Variants in ZSCAN5A observed in about 807,000 individuals in gnomAD.
ZSCAN5A encodes the protein zinc finger and SCAN domain containing 5A, also known as zinc finger and SCAN domain-containing protein 5A.
In ZSCAN5A, 12 loss-of-function variants were observed where a neutral mutation model predicts 23.7. The ratio of observed to expected loss-of-function variants is 0.51; its 90% CI spans 0.32 to 0.82. The LOEUF (loss-of-function observed/expected upper bound fraction) is 0.82. Ranked by LOEUF, ZSCAN5A falls within the 40% of genes least tolerant of loss-of-function variation. ZSCAN5A has a pLI of 0.03. For synonymous variants in ZSCAN5A, 257 were observed against 239.9 expected (o/e 1.07, Z -0.66); for missense variants, 597 against 617.9 (o/e 0.97, Z 0.36).
rs144091623 is a variant in ZSCAN5A, at chr19:56,255,325, C to T, written c.-127-30152G>A. 3.6e-3 allele frequency among the ~76,000 whole-genome samples: 548 copies of T among 152,200 alleles called. 5 individuals are homozygous for T. The highest frequency in any genetic ancestry group is 0.013 in the African/African-American group (521 of 41,518). ...AAAGCGTGGACAATAGCCGGCTGAG[C>T]GCACAAGGTGGGGAGTGGGGAGGGA... On this transcript the variant is annotated intron_variant, in intron 2 of 5. Coordinates refer to ENST00000683990, the MANE Select transcript of ZSCAN5A (RefSeq NM_001322064.3).
In ZSCAN5A at chr19:56,314,786, A is replaced by G. The variant is rs1179023653; in HGVS notation, c.-335T>C. The stretch of plus-strand genomic sequence containing the variant: ...TCAGGCATCGTGGTAGGACCTGGCG[A>G]GTGGGGCCGGGGAGAGCGGGACGCC... On this transcript the variant is annotated 5_prime_UTR_variant, in exon 1 of 6. Coordinates refer to ENST00000683990, the MANE Select transcript of ZSCAN5A (RefSeq NM_001322064.3). 1 of 152,304 alleles carries G rather than the reference A, an allele frequency of 6.6e-6. No individual in the cohort carries two copies. The highest frequency in any genetic ancestry group is 1.5e-5 in the Non-Finnish European group (1 of 68,074). 9.4% of individuals were successfully genotyped at this position (152,304 alleles called of 1,614,324 possible).
chr19:56,346,716 T>TC (rs2041636111), intron 2 of ZSCAN5A, among the ~76,000 whole-genome samples: 3 of 151,744 alleles, frequency 2.0e-5, no homozygotes, highest in Admixed American at 1.3e-4. Context: ...TTTTATTTTT[T>TC]ATTTTTTTTT....
chr19:56,319,669 G>A (rs1169810473), upstream of ZSCAN5A: 3 of 571,062 alleles, frequency 5.3e-6, no homozygotes, highest in African/African-American at 3.7e-5. Flanking sequence ...AAGAAGAAAA[G>A]TGTGCTTTTC....
chr19:56,311,609 G>A (rs1016924422), intron 2 of ZSCAN5A, among the ~76,000 whole-genome samples: 2 of 152,106 alleles, frequency 1.3e-5, no homozygotes, highest in East Asian at 3.9e-4. Context: ...ATTTTAAAGT[G>A]GAGTTTAAGA....
At chr19:56,360,036 C>A (rs1003046823) in intron 2 of ZSCAN5A, among the ~76,000 whole-genome samples, 5 of 152,140 alleles carry the variant, frequency 3.3e-5, no homozygotes, top group Admixed American at 6.5e-5. Context: ...CCCTCTCTCA[C>A]CACTCTTATT....
intron 2 of ZSCAN5A, among the ~76,000 whole-genome samples, chr19:56,276,045 C>G (rs980492663): frequency 2.0e-5 from 3 of 152,216 alleles, no homozygotes; most frequent in African/African-American, 7.2e-5. Context: ...TCTCTCTCTG[C>G]TCCCTGCTCC....
At chr19:56,315,094 C>A (rs1255220735), upstream of ZSCAN5A, 2 of 152,200 alleles carry the variant, frequency 1.3e-5, no homozygotes, top group Non-Finnish European at 2.9e-5. Flanking sequence ...CGCTCTGAAC[C>A]TTTAGGACTA....
chr19:56,329,697 A>C (rs916420290), intron 2 of ZSCAN5A, among the ~76,000 whole-genome samples: 1 of 152,188 alleles, frequency 6.6e-6, no homozygotes, highest in African/African-American at 2.4e-5. Flanking sequence ...AACATAAAAA[A>C]AAAGTTTTTC....
In ZSCAN5A at chr19:56,222,724, T is replaced by C; in HGVS notation, c.606A>G (p.Leu202=). 1 of 1,614,166 alleles carries C rather than the reference T, an allele frequency of 6.2e-7. No homozygotes were observed. Among genetic ancestry groups the C allele is most frequent in the Non-Finnish European group, 8.5e-7 (1 of 1,180,030 alleles). The part of the protein sequence containing the change: ...LSRRQGEDFL[L]HKSIDVTGDP... ...CACCTGTTACGTCAATACTCTTGTG[T>C]AGCAGAAAGTCCTCTCCCTGAAGAG... Residue 202 remains leucine, a synonymous_variant, in exon 5 of 6, where the codon CTA becomes CTG. Coordinates refer to ENST00000683990, the MANE Select transcript of ZSCAN5A (RefSeq NM_001322064.3).
chr19:56,280,789 T>C (rs2038633643), intron 2 of ZSCAN5A: 3 of 152,198 alleles, frequency 2.0e-5, no homozygotes, highest in African/African-American at 7.2e-5. Context: ...TATCTATTCA[T>C]GAAAGTTGAG....
Position 56,302,160 on chromosome 19 carries a change from G to A in ZSCAN5A, c.-128+11123C>T, listed in dbSNP as rs1021887570. ...AGGAAGGAAAGAGGAGGGAAGTGGG[G>A]GCACAGAGGAAGCGAAGGAGGGTGC... On this transcript the variant is annotated intron_variant, in intron 2 of 5. Coordinates refer to ENST00000683990, the MANE Select transcript of ZSCAN5A (RefSeq NM_001322064.3). The A allele has an allele frequency of 8.5e-6, 10 of 1,180,856 alleles. No homozygotes were observed. The South Asian group carries it at 3.5e-4, about 41-fold the overall frequency. 73.1% of individuals were successfully genotyped at this position (1,180,856 alleles called of 1,614,324 possible).
rs952692741 is a variant in ZSCAN5A, at chr19:56,356,916, T to G, written c.-358+6319A>C. The stretch of plus-strand genomic sequence containing the variant: ...ACTGAAGGAGTTCCTTTAGAACTGG[T>G]TGTCATGTAGGTTGTAGGCAATAAA... On this transcript the variant is annotated intron_variant, in intron 2 of 6. Transcript: ENST00000587340. 1.2e-4 allele frequency among the ~76,000 whole-genome samples: 18 copies of G among 148,826 alleles called. 2 individuals are homozygous for G. The highest frequency in any genetic ancestry group is 4.6e-4 in the African/African-American group (18 of 39,478).
chr19:56,324,184 C>A (rs2041411397), intron 2 of ZSCAN5A, among the ~76,000 whole-genome samples: 1 of 152,162 alleles, frequency 6.6e-6, no homozygotes, highest in African/African-American at 2.4e-5. Flanking sequence ...TCCATGAGAT[C>A]CATGTTTTTA....
At chr19:56,222,422 G>A (rs533619610) in intron 5 of ZSCAN5A, 96 bp from the exon 6 acceptor site, 126 of 1,565,176 alleles carry the variant, frequency 8.1e-5, no homozygotes, top group African/African-American at 2.3e-4. Context: ...GACAACTTCC[G>A]CTCAAGCTCA....
At chr19:56,231,996 C>CTTTTTTTTTTTTTTTTTTTTT (rs59525392) in intron 2 of ZSCAN5A, among the ~76,000 whole-genome samples, 1 of 124,986 alleles carries the variant, frequency 8.0e-6, no homozygotes, top group Non-Finnish European at 1.6e-5. Flanking sequence ...TTTTTCTTTT[C>CTTTTTTTTTTTTTTTTTTTTT]TTTTTTTTTG....
intron 2 of ZSCAN5A, among the ~76,000 whole-genome samples, chr19:56,338,030 A>T (rs944534132): frequency 6.6e-6 from 1 of 152,232 alleles, no homozygotes; most frequent in African/African-American, 2.4e-5. Context: ...AGGGGAGAGT[A>T]TAACAAGATA....
chr19:56,223,408 T>C (rs2033510481), intron 4 of ZSCAN5A, among the ~76,000 whole-genome samples: 1 of 152,214 alleles, frequency 6.6e-6, no homozygotes, highest in South Asian at 2.1e-4. Flanking sequence ...TCATTTCTTA[T>C]GCCCCACCCT....
At chr19:56,358,165 G>A (rs2041709936) in intron 2 of ZSCAN5A, among the ~76,000 whole-genome samples, 1 of 148,780 alleles carries the variant, frequency 6.7e-6, no homozygotes, top group South Asian at 2.1e-4. Flanking sequence ...CTATCTCACA[G>A]GCTGTACTGC....
chr19:56,311,091 G>A (rs2041006664), intron 2 of ZSCAN5A, among the ~76,000 whole-genome samples: 1 of 151,946 alleles, frequency 6.6e-6, no homozygotes, highest in Non-Finnish European at 1.5e-5. Flanking sequence ...AAGACCAGGG[G>A]GTTTCGTTGT....
Sources: gnomAD v4.1 joint callset for allele counts (sites outside exome capture counted in the v4.1 genomes callset) on GRCh38, gnomAD v4.1.1 for gene constraint, MANE v1.5 for transcripts, NCBI Gene and HGNC (gene_info 2026-07-23, HGNC 2026-07-21) for gene names.